Variants in FBXL4 observed in about 807,000 individuals in gnomAD.
The protein encoded by FBXL4 is F-box/LRR-repeat protein 4.
Under a neutral mutation model 58.9 loss-of-function variants are expected in FBXL4, and 40 were observed. The observed-to-expected ratio is 0.68, with a 90% CI of 0.53 to 0.88. The LOEUF (loss-of-function observed/expected upper bound fraction) is 0.88. Among genes scored for constraint, FBXL4 ranks in the 40% least tolerant of loss-of-function variants. The pLI is 0.00. For synonymous variants in FBXL4, 263 were observed against 265.5 expected, an observed-to-expected ratio of 0.99 and a Z score of 0.09; for missense variants, 676 against 734.4, an observed-to-expected ratio of 0.92 and a Z score of 0.92.
chr6:98,916,336 T>C (rs1237747336), intron 5 of FBXL4, among the ~76,000 whole-genome samples: 1 of 152,140 alleles, frequency 6.6e-6, no homozygotes, highest in African/African-American at 2.4e-5. Flanking sequence ...CAAAGGACAA[T>C]AAATCATGCT....
intron 2 of FBXL4, among the ~76,000 whole-genome samples, chr6:98,933,443 A>G (rs965913311): frequency 6.6e-6 from 1 of 152,022 alleles, no homozygotes; most frequent in African/African-American, 2.4e-5. Context: ...CAGAACCTCC[A>G]CCATGCCCTC....
chr6:98,896,615 A>G (rs1471994923), intron 7 of FBXL4: 1 of 263,140 alleles, frequency 3.8e-6, no homozygotes, highest in Non-Finnish European at 5.9e-6. Flanking sequence ...TCAACCATAG[A>G]TCACTGAAAA....
At chr6:98,888,809 C>G (rs1279079722) in intron 7 of FBXL4, among the ~76,000 whole-genome samples, 1 of 152,084 alleles carries the variant, frequency 6.6e-6, no homozygotes, top group Admixed American at 6.5e-5. Context: ...ACAGAATTAC[C>G]AAAACATACT....
chr6:98,929,053 A>T (rs1363674320), intron 2 of FBXL4, among the ~76,000 whole-genome samples: 1 of 152,240 alleles, frequency 6.6e-6, no homozygotes, highest in Non-Finnish European at 1.5e-5. Flanking sequence ...TTCTCAAAGT[A>T]CACAGTACAT....
At chr6:98,944,847 C>G (rs1331348428) in intron 1 of FBXL4, among the ~76,000 whole-genome samples, 8 of 152,188 alleles carry the variant, frequency 5.3e-5, no homozygotes, top group African/African-American at 1.7e-4. Context: ...TCACTGGGCT[C>G]TTATCACATC....
chr6:98,934,703 A>C (rs1348555365), intron 2 of FBXL4, 59 bp downstream of exon 2: 1 of 152,160 alleles, frequency 6.6e-6, no homozygotes, highest in East Asian at 1.9e-4. Flanking sequence ...CATTTTTATT[A>C]TGACTGTATT....
chr6:98,882,712 G>A (rs571133707), intron 7 of FBXL4, among the ~76,000 whole-genome samples: 1 of 152,050 alleles, frequency 6.6e-6, no homozygotes, highest in South Asian at 2.1e-4. Context: ...CCTTTATTAT[G>A]ACTTGGTGTT....
At position 98,870,544 on chromosome 6, in the gene FBXL4, G is replaced by A. The variant is rs182739793; in HGVS notation, c.*3734C>T. 2 of 152,218 alleles carry A rather than the reference G, an allele frequency of 1.3e-5. No homozygotes were observed. Among genetic ancestry groups the A allele is most frequent in the African/African-American group, 2.4e-5 (1 of 41,532 alleles). The allele number at this position is 152,218 out of a possible 1,614,324, so 9.4% of individuals were successfully genotyped here. On this transcript the variant is annotated 3_prime_UTR_variant, in exon 10 of 10. Transcript: ENST00000369244. ...CTGTCATCATTTTGCACTGCTACTT[G>A]GCACACTAAAAACTGCAGTAATGCA...
In FBXL4 at chr6:98,874,465, A is replaced by G; in HGVS notation, c.1703-24T>C. 1.3e-6 allele frequency: 2 copies of G among 1,593,698 alleles called. 1 individual carries two copies. Among genetic ancestry groups the G allele is most frequent in the Non-Finnish European group, 1.7e-6 (2 of 1,174,488 alleles). On this transcript the variant is annotated intron_variant, in intron 9 of 9. Coordinates refer to ENST00000369244, the MANE Select transcript of FBXL4 (RefSeq NM_001278716.2). Reference sequence around the variant, plus strand: ...TCCTATTTAAGGGAAACAAAACAAAACAAAACAAAACACCTTAAGTATAAC... The same window carrying G: ...TCCTATTTAAGGGAAACAAAACAAAGCAAAACAAAACACCTTAAGTATAAC...
chr6:98,897,279 C>T (rs1473076124), intron 7 of FBXL4: 17 of 985,060 alleles, frequency 1.7e-5, no homozygotes, highest in Admixed American at 6.2e-5. Context: ...AACAGTCCTA[C>T]CCAAGAAAAG....
chr6:98,912,779 C>T (rs370680071), intron 5 of FBXL4, among the ~76,000 whole-genome samples: 12 of 151,340 alleles, frequency 7.9e-5, no homozygotes, highest in African/African-American at 2.9e-4. Flanking sequence ...TAACGAGCAA[C>T]ATAACCAGCT....
In FBXL4 at chr6:98,933,304, A is replaced by G. The variant is rs551942745; in HGVS notation, c.-191+1458T>C. On this transcript the variant is annotated intron_variant, in intron 2 of 9. Transcript: ENST00000369244. ...TTCTTCTTCCTAATTCTTCTCATAT[A>G]CACAGAGGTACCATTAAAGGAAGGC... is the stretch of plus-strand genomic sequence containing the variant. Among the ~76,000 whole-genome samples the G allele has an allele frequency of 2.9e-4, 44 of 152,196 alleles. 2 individuals carry two copies. The highest frequency in any genetic ancestry group is 5.1e-4 in the Non-Finnish European group (35 of 68,002).
chr6:98,927,648 C>A (rs1403680867), intron 3 of FBXL4, 57 bp downstream of exon 3: 1 of 152,236 alleles, frequency 6.6e-6, no homozygotes, highest in Non-Finnish European at 1.5e-5. Context: ...TTTGTTAGGG[C>A]AGTCCATGGC....
chr6:98,910,266 G>A (rs966383256), intron 5 of FBXL4, among the ~76,000 whole-genome samples: 6 of 152,176 alleles, frequency 3.9e-5, no homozygotes, highest in Non-Finnish European at 7.3e-5. Flanking sequence ...ACTAGCATTT[G>A]ATATCTGGGA....
At position 98,880,369 on chromosome 6, in the gene FBXL4, C is replaced by T. The variant is rs150045568; in HGVS notation, c.1389+184G>A. ...CCTTGCTCTCATGGATAAATAATGT[C>T]AGTGTTTCAAAGACATACTTTCCAA... On this transcript the variant is annotated intron_variant, in intron 8 of 9. Transcript: ENST00000369244. Among the ~76,000 whole-genome samples, 1,541 of 152,228 alleles carry T rather than the reference C, an allele frequency of 0.01. 24 individuals are homozygous for T. Among genetic ancestry groups the T allele is most frequent in the African/African-American group, 0.035 (1,450 of 41,546 alleles).
chr6:98,880,401 A>C lies in FBXL4; in HGVS notation c.1389+152T>G, dbSNP rs1770809729. On this transcript the variant is annotated intron_variant, in intron 8 of 9. Coordinates refer to ENST00000369244, the MANE Select transcript of FBXL4 (RefSeq NM_001278716.2). ...TCAAAGACATACTTTCCAATTTAAGAAAAATGTTTGAAAGCAAGGGACAAA... is the reference window on the plus strand; with the variant it reads ...TCAAAGACATACTTTCCAATTTAAGCAAAATGTTTGAAAGCAAGGGACAAA... The C allele has an allele frequency of 6.5e-6, 4 of 614,514 alleles. No homozygotes were observed. In the South Asian group the frequency reaches 8.0e-5, roughly 12 times the overall value. The allele number at this position is 614,514 out of a possible 1,614,324, so 38.1% of individuals were successfully genotyped here. A position where few individuals can be genotyped will look rare whatever the true frequency, so the allele number is the denominator to read the frequency against.
intron 5 of FBXL4, among the ~76,000 whole-genome samples, chr6:98,916,896 G>A (rs1772378845): frequency 6.7e-6 from 1 of 148,732 alleles, no homozygotes; most frequent in Non-Finnish European, 1.5e-5. Flanking sequence ...AAAAATTACA[G>A]TTAGGAGAAT....
intron 7 of FBXL4, among the ~76,000 whole-genome samples, chr6:98,883,493 T>A (rs1770922634): frequency 6.6e-6 from 1 of 152,026 alleles, no homozygotes; most frequent in East Asian, 1.9e-4. Context: ...TCCAAAAAGT[T>A]CTTCTTTAGC....
At chr6:98,890,792 G>A (rs1259084142) in intron 7 of FBXL4, among the ~76,000 whole-genome samples, 3 of 152,046 alleles carry the variant, frequency 2.0e-5, no homozygotes, top group Non-Finnish European at 4.4e-5. Context: ...GGTGGCACAC[G>A]CCTGTAGTCC....
Sources: allele counts gnomAD v4.1 joint callset (sites outside exome capture counted in the v4.1 genomes callset), GRCh38; gene constraint gnomAD v4.1.1; transcripts MANE v1.5; gene names NCBI Gene and HGNC (gene_info 2026-07-23, HGNC 2026-07-21).